The following GABRA3 variants were observed in gnomAD, a reference collection of about 807,000 sequenced individuals.
GABRA3 encodes gamma-aminobutyric acid receptor subunit alpha-3.
GABRA3 carries 10 observed loss-of-function variants against 30.1 expected under a neutral mutation model. That is an observed-to-expected ratio of 0.33 (90% confidence interval 0.20 to 0.56). The LOEUF is 0.56. Among genes scored for constraint, GABRA3 ranks in the 20% least tolerant of loss-of-function variants. The probability of loss-of-function intolerance (pLI) is 0.89; values close to 1 mark genes in which losing one functional copy is unlikely to be tolerated. For synonymous variants in GABRA3, 151 were observed against 146.8 expected (o/e 1.03, Z -0.21); for missense variants, 233 against 392.0 (o/e 0.59, Z 3.42).
At chrX:152,390,106 T>C (rs956609591) in intron 1 of GABRA3, among the ~76,000 whole-genome samples, 1 of 111,884 alleles carries the variant, frequency 8.9e-6, no homozygotes, top group African/African-American at 3.2e-5. Flanking sequence ...TTCCTGGTGT[T>C]TGAACTTCTA....
chrX:152,178,593 T>G (rs1198010688), intron 9 of GABRA3, among the ~76,000 whole-genome samples: 2 of 112,296 alleles, frequency 1.8e-5, no homozygotes, highest in African/African-American at 6.5e-5. Flanking sequence ...AGCATTACTA[T>G]TTTTTGCAAA....
In GABRA3 at chrX:152,363,724, T is replaced by A. The variant is rs990733647; in HGVS notation, c.140+707A>T. 1.2e-4 allele frequency among the ~76,000 whole-genome samples: 13 copies of A among 112,317 alleles called. No individual in the cohort carries two copies. In the Admixed American group the frequency reaches 1.2e-3, roughly 11 times the overall value. ...AGAACCCAATCAAAACACCAGAGAA[T>A]TATAGTGTCTCTGAAGCCAAAAAGA... On this transcript the variant is annotated intron_variant, in intron 2 of 9. Transcript: ENST00000370314.
At chrX:152,234,191 TATA>T (rs1454307069) in intron 5 of GABRA3, among the ~76,000 whole-genome samples, 4 of 94,330 alleles carry the variant, frequency 4.2e-5, no homozygotes, top group Non-Finnish European at 8.1e-5. Flanking sequence ...AAACTTAAAG[TATA>T]ATAATAAAAA....
Position 152,345,584 on chromosome X carries a change from C to T in GABRA3, c.259G>A (p.Gly87Arg), listed in dbSNP as rs1425873899. The change falls in exon 3 of 10, where the codon GGA (glycine) becomes AGA (arginine). Residue 87 changes from glycine to arginine, a missense_variant. Transcript: ENST00000370314. Reference protein sequence around the residue: ...GYDNRLRPGLGDAVTEVKTDI... With the variant: ...GYDNRLRPGLRDAVTEVKTDI... ...CAAAGATCTTAAAAGGACTGACCTC[C>T]AAGCCCAGGTCGCAGCCGGTTGTCA... The T allele has an allele frequency of 8.3e-7, 1 of 1,204,046 alleles. No individual in the cohort carries two copies. Among genetic ancestry groups the T allele is most frequent in the Non-Finnish European group, 1.1e-6 (1 of 893,048 alleles).
At chrX:152,439,752 T>A (rs187454259) in intron 1 of GABRA3, among the ~76,000 whole-genome samples, 195 of 111,436 alleles carry the variant, frequency 1.7e-3, no homozygotes, top group African/African-American at 6.2e-3. Flanking sequence ...TAATAAAGAA[T>A]AAACAATAAT....
At chrX:152,380,003 A>G (rs772298919) in intron 1 of GABRA3, among the ~76,000 whole-genome samples, 5 of 110,808 alleles carry the variant, frequency 4.5e-5, no homozygotes, top group Admixed American at 9.6e-5. Flanking sequence ...ATGCCTGGCT[A>G]ATTTTTGTAT....
intron 9 of GABRA3, among the ~76,000 whole-genome samples, chrX:152,177,823 T>C (rs767510026): frequency 9.0e-6 from 1 of 111,427 alleles, no homozygotes; most frequent in African/African-American, 3.3e-5. Flanking sequence ...ACATATGAAA[T>C]GAACACGGAG....
intron 1 of GABRA3, among the ~76,000 whole-genome samples, chrX:152,397,538 T>C (rs1218877830): frequency 9.0e-6 from 1 of 111,608 alleles, no homozygotes; most frequent in African/African-American, 3.3e-5. Flanking sequence ...ACTCTACTTA[T>C]TACTACCCTC....
chrX:152,367,765 A>G (rs1312152713), intron 1 of GABRA3, among the ~76,000 whole-genome samples: 1 of 111,311 alleles, frequency 9.0e-6, no homozygotes, highest in Non-Finnish European at 1.9e-5. Flanking sequence ...ACACACATAT[A>G]TAGACCTGGT....
rs1025528042 is a variant in GABRA3, at chrX:152,310,592, C to T, written c.263-25857G>A. 2.7e-5 allele frequency among the ~76,000 whole-genome samples: 3 copies of T among 111,193 alleles called. 1 individual carries two copies. Among genetic ancestry groups the T allele is most frequent in the Middle Eastern group, 9.2e-3 (2 of 217 alleles). On this transcript the variant is annotated intron_variant, in intron 3 of 9. Coordinates refer to ENST00000370314, the MANE Select transcript of GABRA3 (RefSeq NM_000808.4). ...ATAGGAAAGTTTATAGTATTAAACA[C>T]CTGCATCAAAAAGTTACAAAGATTT...
chrX:152,175,936 C>T (rs780952320), intron 9 of GABRA3, among the ~76,000 whole-genome samples: 1 of 109,589 alleles, frequency 9.1e-6, no homozygotes, highest in Non-Finnish European at 1.9e-5. Context: ...TGGTGGTACA[C>T]GCCTGTAGTC....
chrX:152,346,062 C>T, intron 2 of GABRA3, among the ~76,000 whole-genome samples: 1 of 111,445 alleles, frequency 9.0e-6, no homozygotes, highest in Non-Finnish European at 1.9e-5. Flanking sequence ...AAACAGGCAT[C>T]AAAATAAAGA....
chrX:152,380,617 C>G (rs998882706), intron 1 of GABRA3, among the ~76,000 whole-genome samples: 1 of 111,688 alleles, frequency 9.0e-6, no homozygotes, highest in Non-Finnish European at 1.9e-5. Context: ...TATATACCCA[C>G]AAGTGAGGTT....
intron 2 of GABRA3, among the ~76,000 whole-genome samples, chrX:152,363,791 A>T (rs1369505082): frequency 8.9e-6 from 1 of 112,155 alleles, no homozygotes; most frequent in Non-Finnish European, 1.9e-5. Context: ...GCATGTTTCT[A>T]CATGTATTTT....
intron 1 of GABRA3, among the ~76,000 whole-genome samples, chrX:152,380,074 T>C (rs145631899): frequency 8.9e-6 from 1 of 111,896 alleles, no homozygotes; most frequent in Non-Finnish European, 1.9e-5. Flanking sequence ...ATGATTAACA[T>C]ATCGATCACT....
At chrX:152,378,754 T>C (rs1929063717) in intron 1 of GABRA3, among the ~76,000 whole-genome samples, 1 of 111,495 alleles carries the variant, frequency 9.0e-6, no homozygotes, top group South Asian at 3.7e-4. Context: ...TAAAACTAAA[T>C]TAACTACATA....
chrX:152,305,952 G>T (rs1939713866), intron 3 of GABRA3, among the ~76,000 whole-genome samples: 1 of 111,047 alleles, frequency 9.0e-6, no homozygotes, highest in African/African-American at 3.3e-5. Flanking sequence ...TGGGACTACA[G>T]GTTATCCAGC....
intron 5 of GABRA3, among the ~76,000 whole-genome samples, chrX:152,247,673 G>A (rs1367635212): frequency 8.9e-6 from 1 of 111,814 alleles, no homozygotes; most frequent in Non-Finnish European, 1.9e-5. Flanking sequence ...AATGGTCTAT[G>A]AGGCAGGCAT....
chrX:152,363,716 C>T (rs1928575068), intron 2 of GABRA3, among the ~76,000 whole-genome samples: 1 of 111,912 alleles, frequency 8.9e-6, no homozygotes. Context: ...AATCAAAACA[C>T]CAGAGAATTA....
Sources: gnomAD v4.1 joint callset for allele counts (sites outside exome capture counted in the v4.1 genomes callset) on GRCh38, gnomAD v4.1.1 for gene constraint, MANE v1.5 for transcripts, NCBI Gene and HGNC (gene_info 2026-07-23, HGNC 2026-07-21) for gene names.